Variants in HTRA1 observed in about 807,000 individuals in gnomAD.
HTRA1 encodes serine protease HTRA1.
A neutral mutation model predicts 49.7 loss-of-function variants in HTRA1; 26 were observed. The ratio of observed to expected loss-of-function variants is 0.52; its 90% CI spans 0.38 to 0.73. The LOEUF (loss-of-function observed/expected upper bound fraction) is 0.73. HTRA1 is among the 30% of genes least tolerant of loss of function. The pLI is 0.00. For missense variants in HTRA1, 561 were observed against 667.2 expected (o/e 0.84, Z 1.75); for synonymous variants, 291 against 286.9 (o/e 1.01, Z -0.14).
intron 1 of HTRA1, among the ~76,000 whole-genome samples, chr10:122,483,305 T>C (rs1045383704): frequency 2.0e-5 from 3 of 151,972 alleles, no homozygotes; most frequent in African/African-American, 7.2e-5. Flanking sequence ...TTTATTGTCT[T>C]GGGATTGAAT....
chr10:122,495,691 A>G (rs1003096353), intron 3 of HTRA1, among the ~76,000 whole-genome samples: 1 of 152,166 alleles, frequency 6.6e-6, no homozygotes, highest in Non-Finnish European at 1.5e-5. Flanking sequence ...CTCTCTTTTC[A>G]GGGAATTGGA....
intron 3 of HTRA1, among the ~76,000 whole-genome samples, chr10:122,495,249 T>TC (rs2133442036): frequency 6.6e-6 from 1 of 152,310 alleles, no homozygotes; most frequent in Non-Finnish European, 1.5e-5. Context: ...TTGGATTCTT[T>TC]CCCCCAACGC....
chr10:122,514,354 C>T lies in HTRA1; in HGVS notation c.1438C>T (p.Pro480Ser), dbSNP rs986013469. The change falls in exon 9 of 9, where the codon CCA (proline) becomes TCA (serine). Residue 480 changes from proline (P) to serine (S), a missense_variant. Physicochemically the swap from Pro to Ser is moderately conservative, Grantham distance 74. Coordinates refer to ENST00000368984, the MANE Select transcript of HTRA1 (RefSeq NM_002775.5). The part of the protein sequence containing the change: ...MITVIPEEID[P>S] ...CACAGTGATTCCCGAAGAAATTGAC[C>T]CATAGGCAGAGGCATGAGCTGGACT... is the stretch of plus-strand genomic sequence containing the variant. The T allele has an allele frequency of 1.9e-6, 3 of 1,613,806 alleles. No individual in the cohort carries two copies. In the African/African-American group the frequency reaches 4.0e-5, roughly 22 times the overall value.
At chr10:122,466,911 A>G in intron 1 of HTRA1, among the ~76,000 whole-genome samples, 1 of 152,048 alleles carries the variant, frequency 6.6e-6, no homozygotes, top group Non-Finnish European at 1.5e-5. Context: ...TTTGCTAAAG[A>G]GTTAAAATAT....
intron 3 of HTRA1, among the ~76,000 whole-genome samples, chr10:122,495,837 A>G (rs968750983): frequency 2.0e-5 from 3 of 152,176 alleles, no homozygotes; most frequent in Non-Finnish European, 2.9e-5. Flanking sequence ...CAAGTGTGTG[A>G]CAGAGTATCA....
intron 8 of HTRA1, among the ~76,000 whole-genome samples, chr10:122,512,731 G>A (rs1357735492): frequency 6.6e-6 from 1 of 152,044 alleles, no homozygotes; most frequent in Non-Finnish European, 1.5e-5. Flanking sequence ...GTTTTTGGGG[G>A]AACAGGTGGT....
intron 1 of HTRA1, among the ~76,000 whole-genome samples, chr10:122,486,693 T>C (rs1019966239): frequency 4.6e-5 from 7 of 152,128 alleles, no homozygotes; most frequent in Admixed American, 1.3e-4. Flanking sequence ...CTTTTACTTA[T>C]AGCCTAGAGC....
intron 1 of HTRA1, 88 bp from the exon 2 acceptor site, chr10:122,488,814 T>A: frequency 9.9e-7 from 1 of 1,011,624 alleles, no homozygotes. Flanking sequence ...AGGCTGGGCA[T>A]GCATCTTGGC....
At position 122,511,746 on chromosome 10, in the gene HTRA1, TAAATAAAAA is replaced by T. The variant is rs1565437600; in HGVS notation, c.1179-216_1179-208del. Among the ~76,000 whole-genome samples the T allele has an allele frequency of 1.3e-3, 81 of 61,988 alleles. 2 individuals carry two copies. In the East Asian group the frequency reaches 0.031, roughly 24 times the overall value. 40.7% of individuals were successfully genotyped at this position (61,988 alleles called of 152,430 possible). A position where few individuals can be genotyped will look rare whatever the true frequency, so the allele number is the denominator to read the frequency against. On this transcript the variant is annotated intron_variant, in intron 7 of 8. Transcript: ENST00000368984. The stretch of plus-strand genomic sequence containing the variant: ...AGACTCTGTCTCAAAAAAAAAAAAA[TAAATAAAAA>T]AAATAAATAAATAATAAAGCACTTT...
chr10:122,462,368 TG>T (rs974662780), intron 1 of HTRA1, among the ~76,000 whole-genome samples: 1 of 152,180 alleles, frequency 6.6e-6, no homozygotes, highest in Non-Finnish European at 1.5e-5. Flanking sequence ...GCCTGCACTC[TG>T]GGGCTCGAGA....
At chr10:122,489,306 T>A in intron 2 of HTRA1, 116 bp from the exon 3 acceptor site, 1 of 1,010,786 alleles carries the variant, frequency 9.9e-7, no homozygotes, top group Non-Finnish European at 1.6e-6. Context: ...CTAAGCCCGA[T>A]ATATAAAGGA....
At chr10:122,473,499 C>G (rs1035881394) in intron 1 of HTRA1, among the ~76,000 whole-genome samples, 8 of 152,114 alleles carry the variant, frequency 5.3e-5, no homozygotes, top group African/African-American at 1.9e-4. Context: ...ATAACAGGAG[C>G]TGCATATACA....
chr10:122,472,450 A>C (rs2097486573), intron 1 of HTRA1, among the ~76,000 whole-genome samples: 1 of 151,110 alleles, frequency 6.6e-6, no homozygotes, highest in Non-Finnish European at 1.5e-5. Flanking sequence ...AGGCTGGAGT[A>C]AGGGGCACGA....
rs368355969 is a variant in HTRA1 at position 122,478,770 on chromosome 10, T to TG, written c.473-10128dup. Among the ~76,000 whole-genome samples, 557 of 152,308 alleles carry TG rather than the reference T, an allele frequency of 3.7e-3. 1 individual carries two copies. The highest frequency in any genetic ancestry group is 0.013 in the African/African-American group (525 of 41,562). Reference sequence around the variant, plus strand: ...TGCTTTTCTGTGCTAAATCTGGATTTGGGGTATTAAATCAAATGAATTTGA... The same window carrying TG: ...TGCTTTTCTGTGCTAAATCTGGATTTGGGGGTATTAAATCAAATGAATTTGA... On this transcript the variant is annotated intron_variant, in intron 1 of 8. Coordinates refer to ENST00000368984, the MANE Select transcript of HTRA1 (RefSeq NM_002775.5).
intron 3 of HTRA1, among the ~76,000 whole-genome samples, chr10:122,499,228 G>T (rs948367668): frequency 6.6e-6 from 1 of 152,130 alleles, no homozygotes. Flanking sequence ...CCCACCCCTA[G>T]CCAGGGCACA....
Position 122,462,112 on chromosome 10 carries a change from G to C in HTRA1, c.460G>C (p.Ala154Pro). ...RPPVIVLQRGACGQGQEDPNS... is the reference protein window; with the variant it reads ...RPPVIVLQRGPCGQGQEDPNS... ...GCCGGTCATCGTCCTGCAGCGCGGA[G>C]CCTGCGGCCAAGGTACTCCGCCGCG... Residue 154 changes from alanine (A) to proline (P), a missense_variant, in exon 1 of 9, where the codon GCC becomes CCC. Physicochemically the swap from Ala to Pro is conservative, Grantham distance 27. Around this residue, in one of 3 missense-constraint regions of HTRA1, gnomAD observed 271 missense variants for 410.0 expected, o/e 0.66. Transcript: ENST00000368984. 6.5e-7 allele frequency: 1 copy of C among 1,533,446 alleles called. No homozygotes were observed. Among genetic ancestry groups the C allele is most frequent in the African/African-American group, 1.4e-5 (1 of 72,986 alleles). The allele number at this position is 1,533,446 out of a possible 1,614,324, so 95.0% of individuals were successfully genotyped here.
intron 1 of HTRA1, among the ~76,000 whole-genome samples, chr10:122,463,026 G>T (rs1301108987): frequency 1.3e-5 from 2 of 152,224 alleles, no homozygotes; most frequent in Admixed American, 1.3e-4. Context: ...AAATAATATC[G>T]AGTTCAGCAG....
Position 122,488,899 on chromosome 10 carries a change from C to A in HTRA1, c.473-3C>A. The A allele has an allele frequency of 1.9e-6, 3 of 1,612,670 alleles. No individual in the cohort carries two copies. Among genetic ancestry groups the A allele is most frequent in the Non-Finnish European group, 2.5e-6 (3 of 1,178,650 alleles). The stretch of plus-strand genomic sequence containing the variant: ...AGTATCTATTCTTTGCTTTTGTTCT[C>A]AGGGCAGGAAGATCCCAACAGTTTG... On this transcript the variant is annotated splice_polypyrimidine_tract_variant and splice_region_variant and intron_variant, in intron 1 of 8. Coordinates refer to ENST00000368984, the MANE Select transcript of HTRA1 (RefSeq NM_002775.5).
At position 122,461,985 on chromosome 10, in the gene HTRA1, G is replaced by A. The variant is rs2097481609; in HGVS notation, c.333G>A (p.Val111=). ...VRRRAQAGLC[V]CASSEPVCGS... is the part of the protein sequence containing the mutation. ...GGCGCGCGCAGGCCGGCCTCTGTGT[G>A]TGCGCCAGCAGCGAGCCGGTGTGCG... Residue 111 remains valine (V), a synonymous_variant, in exon 1 of 9, where the codon GTG becomes GTA. Transcript: ENST00000368984. 6.6e-7 allele frequency: 1 copy of A among 1,524,404 alleles called. No individual in the cohort carries two copies. Among genetic ancestry groups the A allele is most frequent in the Admixed American group, 2.0e-5 (1 of 50,538 alleles). The allele number at this position is 1,524,404 out of a possible 1,614,324, so 94.4% of individuals were successfully genotyped here. A position where few individuals can be genotyped will look rare whatever the true frequency, so the allele number is the denominator to read the frequency against.
Sources: gnomAD v4.1 joint callset for allele counts (sites outside exome capture counted in the v4.1 genomes callset) on GRCh38, gnomAD v4.1.1 for gene constraint, gnomAD v4.1.1 regional missense constraint, MANE v1.5 for transcripts, NCBI Gene and HGNC (gene_info 2026-07-23, HGNC 2026-07-21) for gene names.